Variants in SRSF11 observed in about 807,000 individuals in gnomAD.
SRSF11 encodes serine and arginine rich splicing factor 11.
SRSF11 carries 9 observed loss-of-function variants against 56.0 expected under a neutral mutation model. The ratio of observed to expected loss-of-function variants is 0.16; its 90% CI spans 0.10 to 0.28. SRSF11 has a LOEUF of 0.28. Among genes scored for constraint, SRSF11 ranks in the 10% least tolerant of loss-of-function variants. SRSF11 has a pLI of 1.00. For synonymous variants in SRSF11, 222 were observed against 215.3 expected, an observed-to-expected ratio of 1.03 and a Z score of -0.27; for missense variants, 421 against 600.7, an observed-to-expected ratio of 0.70 and a Z score of 3.13.
At chr1:70,244,261 A>T (rs923608978) in intron 7 of SRSF11, among the ~76,000 whole-genome samples, 1 of 152,242 alleles carries the variant, frequency 6.6e-6, no homozygotes, top group Admixed American at 6.5e-5. Context: ...ATAGCGTGAT[A>T]TAAGTATTTG....
chr1:70,211,331 C>T (rs1294582533), intron 1 of SRSF11, among the ~76,000 whole-genome samples: 1 of 152,060 alleles, frequency 6.6e-6, no homozygotes, highest in African/African-American at 2.4e-5. Flanking sequence ...TATCCACCCC[C>T]TCCCACCCAC....
chr1:70,221,850 T>C lies in SRSF11; in HGVS notation c.203+11T>C, dbSNP rs1247439460. 1.2e-6 allele frequency: 2 copies of C among 1,613,490 alleles called. No individual in the cohort carries two copies. The highest frequency in any genetic ancestry group is 1.7e-6 in the Non-Finnish European group (2 of 1,179,946). ...CCTCTTCCCGCCGGAGTGAGTATCG[T>C]CCACCATCACTGTTCCTGCTAACGC... On this transcript the variant is annotated intron_variant, in intron 1 of 11. Coordinates refer to ENST00000370949, the MANE Select transcript of SRSF11 (RefSeq NM_001350605.2).
In SRSF11 at chr1:70,245,882, T is replaced by C. The variant is rs188035307; in HGVS notation, c.933-936T>C. ...ATTTTCAGGTTTGTACTTTAAAAGA[T>C]TTCTGACAGAGTACAGAATCAGTTT... On this transcript the variant is annotated intron_variant, in intron 8 of 11. Coordinates refer to ENST00000370949, the MANE Select transcript of SRSF11 (RefSeq NM_001350605.2). 3.9e-5 allele frequency among the ~76,000 whole-genome samples: 6 copies of C among 152,298 alleles called. No individual in the cohort carries two copies. In the East Asian group the frequency reaches 1.2e-3, roughly 29 times the overall value.
At chr1:70,225,578 A>T (rs1230873651) in intron 1 of SRSF11, among the ~76,000 whole-genome samples, 3 of 152,208 alleles carry the variant, frequency 2.0e-5, no homozygotes, top group Non-Finnish European at 4.4e-5. Context: ...GTAGGCATGA[A>T]TACCTTGTTA....
chr1:70,207,579 T>G (rs1388069710), intron 1 of SRSF11, among the ~76,000 whole-genome samples: 1 of 152,126 alleles, frequency 6.6e-6, no homozygotes, highest in African/African-American at 2.4e-5. Flanking sequence ...TTAAGAAGAT[T>G]TCTTTATTAA....
intron 1 of SRSF11, among the ~76,000 whole-genome samples, chr1:70,225,252 A>T (rs1403227135): frequency 6.6e-6 from 1 of 152,210 alleles, no homozygotes; most frequent in Non-Finnish European, 1.5e-5. Context: ...CTTTTCAGTG[A>T]CCCAAAATGG....
At chr1:70,239,574 C>T in intron 7 of SRSF11, 54 bp downstream of exon 7, 1 of 1,315,904 alleles carries the variant, frequency 7.6e-7, no homozygotes, top group Non-Finnish European at 1.1e-6. Flanking sequence ...TTATATATGT[C>T]ACATCTTTTT....
intron 4 of SRSF11, 73 bp from the exon 5 acceptor site, chr1:70,235,428 G>C: frequency 7.7e-7 from 1 of 1,300,566 alleles, no homozygotes; most frequent in Non-Finnish European, 1.1e-6. Context: ...CTGTTGTTCA[G>C]TTTTCTGCCT....
At position 70,251,059 on chromosome 1, in the gene SRSF11, A is replaced by C; in HGVS notation, c.*254A>C. On this transcript the variant is annotated 3_prime_UTR_variant, in exon 12 of 12. Transcript: ENST00000370949. ...AGTTTTACTATTCTGGTGCTGCTTC[A>C]TAACAAAAATGAAAAGCTGCATGCA... The C allele has an allele frequency of 2.5e-6, 1 of 396,002 alleles. No homozygotes were observed. The highest frequency in any genetic ancestry group is 4.4e-5 in the South Asian group (1 of 22,842). 24.5% of individuals were successfully genotyped at this position (396,002 alleles called of 1,614,324 possible).
intron 6 of SRSF11, 112 bp from the exon 7 acceptor site, chr1:70,239,327 A>C (rs568762468): frequency 1.5e-6 from 1 of 686,500 alleles, no homozygotes; most frequent in Non-Finnish European, 2.5e-6. Flanking sequence ...CCTGGACTGA[A>C]GTGTTGCTCC....
At chr1:70,247,144 A>G in intron 9 of SRSF11, 1 of 1,035,608 alleles carries the variant, frequency 9.7e-7, no homozygotes, top group Non-Finnish European at 1.2e-6. Flanking sequence ...ATGGAATTCA[A>G]GAGAGGTGAG....
rs1678114328 is a variant in SRSF11 at position 70,252,653 on chromosome 1, A to G, written c.*1848A>G. 1.3e-5 allele frequency: 2 copies of G among 152,186 alleles called. No homozygotes were observed. The highest frequency in any genetic ancestry group is 1.3e-4 in the Admixed American group (2 of 15,276). 9.4% of individuals were successfully genotyped at this position (152,186 alleles called of 1,614,324 possible). On this transcript the variant is annotated 3_prime_UTR_variant, in exon 12 of 12. Coordinates refer to ENST00000370949, the MANE Select transcript of SRSF11 (RefSeq NM_001350605.2). ...CTAATCACTGCATTTTTAAAAAACAAAGTTCAACACAAATGACATTTGTTT... is the reference window on the plus strand; with the variant it reads ...CTAATCACTGCATTTTTAAAAAACAGAGTTCAACACAAATGACATTTGTTT...
intron 1 of SRSF11, chr1:70,222,800 TACGTGTAACCATTA>T (rs1302939499): frequency 1.3e-5 from 2 of 152,232 alleles, no homozygotes; most frequent in Non-Finnish European, 2.9e-5. Flanking sequence ...ACTGTTATGG[TACGTGTAACCATTA>T]ACTTTCTGCT....
chr1:70,244,610 G>A lies in SRSF11; in HGVS notation c.801-74G>A. The A allele has an allele frequency of 2.0e-6, 3 of 1,509,774 alleles. 1 individual carries two copies. Among genetic ancestry groups the A allele is most frequent in the Non-Finnish European group, 9.0e-7 (1 of 1,108,388 alleles). The allele number at this position is 1,509,774 out of a possible 1,614,324, so 93.5% of individuals were successfully genotyped here. ...TTTAGTCCATATGTCCGAATCTTTTGTCTGATACTAAGCACAAAATTTATA... is the reference window on the plus strand; with the variant it reads ...TTTAGTCCATATGTCCGAATCTTTTATCTGATACTAAGCACAAAATTTATA... On this transcript the variant is annotated intron_variant, in intron 7 of 11. Coordinates refer to ENST00000370949, the MANE Select transcript of SRSF11 (RefSeq NM_001350605.2).
intron 2 of SRSF11, chr1:70,230,680 CAGA>C (rs957587062): frequency 9.7e-6 from 12 of 1,238,646 alleles, no homozygotes; most frequent in Non-Finnish European, 1.1e-5. Flanking sequence ...TTTTTTTAAT[CAGA>C]GGATCAGATG....
chr1:70,206,914 C>G (rs1252241022), intron 1 of SRSF11, among the ~76,000 whole-genome samples: 1 of 115,228 alleles, frequency 8.7e-6, no homozygotes, highest in Non-Finnish European at 1.7e-5. Context: ...TTTTTTGAGA[C>G]AAAGTCTGGT....
intron 3 of SRSF11, 25 bp downstream of exon 3, chr1:70,232,402 AGGGTGGGG>A (rs1571765279): frequency 1.3e-6 from 2 of 1,567,626 alleles, no homozygotes; most frequent in Admixed American, 3.7e-5. Context: ...GAATTCTTAA[AGGGTGGGG>A]AAAAAAACAG....
chr1:70,245,357 A>T (rs1676509982), intron 8 of SRSF11, among the ~76,000 whole-genome samples: 2 of 152,224 alleles, frequency 1.3e-5, no homozygotes, highest in South Asian at 4.1e-4. Flanking sequence ...GACACAACAT[A>T]ACTTACTCTT....
chr1:70,241,338 G>A (rs995375888), intron 7 of SRSF11, among the ~76,000 whole-genome samples: 5 of 152,022 alleles, frequency 3.3e-5, no homozygotes, highest in African/African-American at 1.2e-4. Context: ...TTTTCACTCT[G>A]TTTTTATCTT....
Sources: allele counts gnomAD v4.1 joint callset (sites outside exome capture counted in the v4.1 genomes callset), GRCh38; gene constraint gnomAD v4.1.1; transcripts MANE v1.5; gene names NCBI Gene and HGNC (gene_info 2026-07-23, HGNC 2026-07-21).